ASAP3: variants seen among roughly 807,000 people sequenced by gnomAD.
ASAP3 encodes the protein ArfGAP with SH3 domain, ankyrin repeat and PH domain 3, also known as arf-GAP with SH3 domain, ANK repeat and PH domain-containing protein 3.
A neutral mutation model predicts 118.2 loss-of-function variants in ASAP3; 85 were observed. That is an observed-to-expected ratio of 0.72 (90% CI 0.60 to 0.86). ASAP3 has a LOEUF of 0.86. Ranked by LOEUF, ASAP3 falls within the 40% of genes least tolerant of loss-of-function variation. The probability of loss-of-function intolerance (pLI) is 0.00; values close to 1 mark genes in which losing one functional copy is unlikely to be tolerated. For missense variants in ASAP3, 1,026 were observed against 1,175.0 expected (o/e 0.87, Z 1.85); for synonymous variants, 432 against 477.4 (o/e 0.90, Z 1.24).
chr1:23,477,644 T>G (rs1290804851), intron 1 of ASAP3, among the ~76,000 whole-genome samples: 2 of 152,106 alleles, frequency 1.3e-5, no homozygotes, highest in Non-Finnish European at 2.9e-5. Flanking sequence ...AAAGAAGGCC[T>G]TGACGAGGAG....
chr1:23,467,203 T>TATG (rs1317317692), intron 1 of ASAP3, among the ~76,000 whole-genome samples: 3 of 150,864 alleles, frequency 2.0e-5, no homozygotes, highest in African/African-American at 7.3e-5. Context: ...TTATTATTAT[T>TATG]ACTATTTTTG....
At chr1:23,434,655 A>T (rs762316173) in intron 17 of ASAP3, 37 bp from the exon 18 acceptor site, 2 of 1,583,434 alleles carry the variant, frequency 1.3e-6, no homozygotes, top group East Asian at 2.3e-5. Context: ...TTCCCCCCCC[A>T]GTGCACCTGC....
At chr1:23,452,827 G>C in intron 3 of ASAP3, 56 bp from the exon 4 acceptor site, 2 of 1,539,870 alleles carry the variant, frequency 1.3e-6, no homozygotes, top group Non-Finnish European at 1.8e-6. Flanking sequence ...CCAGCCCCTA[G>C]GGATTCGGTG....
upstream of ASAP3, chr1:23,484,580 C>G (rs1006076738): frequency 6.5e-6 from 1 of 153,738 alleles, no homozygotes; most frequent in African/African-American, 2.4e-5. Flanking sequence ...CTTGCACGGC[C>G]CAGGCTGTTC....
intron 1 of ASAP3, among the ~76,000 whole-genome samples, chr1:23,456,917 G>A (rs1641408469): frequency 6.6e-6 from 1 of 152,166 alleles, no homozygotes; most frequent in African/African-American, 2.4e-5. Context: ...CCAAAGCCCA[G>A]AGGCTGCAGA....
chr1:23,463,421 G>A (rs1459222036), intron 1 of ASAP3, among the ~76,000 whole-genome samples: 1 of 151,666 alleles, frequency 6.6e-6, no homozygotes, highest in African/African-American at 2.4e-5. Context: ...GTTTTAAGGA[G>A]ACGATTCTGA....
intron 1 of ASAP3, among the ~76,000 whole-genome samples, chr1:23,476,283 T>C (rs564150932): frequency 6.7e-6 from 1 of 150,330 alleles, no homozygotes; most frequent in Admixed American, 6.6e-5. Context: ...GAGGTGGAGG[T>C]TGCAGTAAGC....
In ASAP3 at chr1:23,484,075, G is replaced by A. The variant is rs1209383711; in HGVS notation, c.59C>T (p.Ser20Phe). 1.5e-6 allele frequency: 2 copies of A among 1,351,404 alleles called. No individual in the cohort carries two copies. Among genetic ancestry groups the A allele is most frequent in the Middle Eastern group, 2.6e-4 (1 of 3,820 alleles). 83.7% of individuals were successfully genotyped at this position (1,351,404 alleles called of 1,614,324 possible). A position where few individuals can be genotyped will look rare whatever the true frequency, so the allele number is the denominator to read the frequency against. ...GGCGAAGGCGGCGGCCCCAGCCGGG[G>A]AGCTGAGGTCCTCCGCGGTGACGGC... ...FLAVTAEDLSSPAGAAAFAAK... is the reference protein window; with the variant it reads ...FLAVTAEDLSFPAGAAAFAAK... The change falls in exon 1 of 25, where the codon TCC becomes TTC. Residue 20 changes from serine (S) to phenylalanine (F), a missense_variant. Ser to Phe is a radical substitution (Grantham distance 155). Coordinates refer to ENST00000336689, the MANE Select transcript of ASAP3 (RefSeq NM_017707.4).
At chr1:23,435,660 A>C (rs1278102973) in intron 17 of ASAP3, 191 bp downstream of exon 17, 1 of 681,900 alleles carries the variant, frequency 1.5e-6, no homozygotes, top group Non-Finnish European at 2.6e-6. Flanking sequence ...ACAGCTAGGA[A>C]AAAACAGAGC....
chr1:23,435,160 T>C (rs1377437402), intron 17 of ASAP3, among the ~76,000 whole-genome samples: 2 of 152,250 alleles, frequency 1.3e-5, no homozygotes, highest in African/African-American at 2.4e-5. Flanking sequence ...TCTGAGTAGC[T>C]GGGACCACAG....
intron 4 of ASAP3, 149 bp from the exon 5 acceptor site, chr1:23,451,677 G>A: frequency 2.4e-6 from 2 of 828,578 alleles, no homozygotes; most frequent in Non-Finnish European, 3.9e-6. Flanking sequence ...CCACAGTCCT[G>A]CTGCAAACCT....
intron 17 of ASAP3, among the ~76,000 whole-genome samples, chr1:23,435,119 C>G (rs539773273): frequency 6.6e-6 from 1 of 152,334 alleles, no homozygotes; most frequent in African/African-American, 2.4e-5. Flanking sequence ...CCTCAACCTC[C>G]TGGGCTCAAG....
intron 5 of ASAP3, among the ~76,000 whole-genome samples, chr1:23,446,025 C>T (rs1641036802): frequency 6.6e-6 from 1 of 151,914 alleles, no homozygotes; most frequent in African/African-American, 2.4e-5. Flanking sequence ...ATGTGATTGG[C>T]CCTCCATATC....
intron 1 of ASAP3, among the ~76,000 whole-genome samples, chr1:23,469,686 T>A (rs185960644): frequency 2.0e-5 from 3 of 152,192 alleles, no homozygotes; most frequent in Non-Finnish European, 4.4e-5. Context: ...ACTGCTCACT[T>A]TGGGGCAGGC....
chr1:23,433,675 G>A lies in ASAP3; in HGVS notation c.1970C>T (p.Thr657Ile). The A allele has an allele frequency of 1.2e-6, 2 of 1,614,202 alleles. No homozygotes were observed. Among genetic ancestry groups the A allele is most frequent in the Non-Finnish European group, 1.7e-6 (2 of 1,180,034 alleles). ...CTTCTTCCTGGCTATGTCCAGAGCTGTCTCGCCTGCTTCATTTACTGTGAG... is the reference window on the plus strand; with the variant it reads ...CTTCTTCCTGGCTATGTCCAGAGCTATCTCGCCTGCTTCATTTACTGTGAG... The part of the protein sequence containing the change: ...LVGTVNEAGE[T>I]ALDIARKKHH... Residue 657 changes from threonine (T) to isoleucine (I), a missense_variant, in exon 20 of 25, where the codon ACA (threonine) becomes ATA (isoleucine). Physicochemically the swap from Thr to Ile is moderately conservative, Grantham distance 89. Coordinates refer to ENST00000336689, the MANE Select transcript of ASAP3 (RefSeq NM_017707.4).
chr1:23,484,031 G>A lies in ASAP3; in HGVS notation c.103C>T (p.Arg35Ter). 7.6e-7 allele frequency: 1 copy of A among 1,308,716 alleles called. No homozygotes were observed. Among genetic ancestry groups the A allele is most frequent in the Non-Finnish European group, 9.7e-7 (1 of 1,031,406 alleles). 81.1% of individuals were successfully genotyped at this position (1,308,716 alleles called of 1,614,324 possible). A position where few individuals can be genotyped will look rare whatever the true frequency, so the allele number is the denominator to read the frequency against. Residue 35 changes from arginine to a stop codon, truncating the protein, a stop_gained, in exon 1 of 25, where the codon CGA becomes TGA. Coordinates refer to ENST00000336689, the MANE Select transcript of ASAP3 (RefSeq NM_017707.4). LOFTEE classifies it high-confidence loss of function. ...AAFAAKMPRY[R>*]GAALAREEIL... Reference sequence around the variant, plus strand: ...TCCTCCCGCGCCAGCGCCGCCCCTCGGTACCGGGGCATCTTGGCGGCGAAG... The same window carrying A: ...TCCTCCCGCGCCAGCGCCGCCCCTCAGTACCGGGGCATCTTGGCGGCGAAG...
chr1:23,433,696 G>A lies in ASAP3; in HGVS notation c.1952-3C>T. ...AGCTGTCTCGCCTGCTTCATTTACT[G>A]TGAGCGGGGAAAGTCAGGGTTCATG... On this transcript the variant is annotated splice_region_variant and splice_polypyrimidine_tract_variant and intron_variant, in intron 19 of 24. Transcript: ENST00000336689. The A allele has an allele frequency of 6.2e-7, 1 of 1,614,160 alleles. No homozygotes were observed. Among genetic ancestry groups the A allele is most frequent in the Non-Finnish European group, 8.5e-7 (1 of 1,180,046 alleles).
Position 23,431,719 on chromosome 1 carries a change from C to A in ASAP3, c.2523G>T (p.Glu841Asp). 6.6e-7 allele frequency: 1 copy of A among 1,522,172 alleles called. No individual in the cohort carries two copies. The highest frequency in any genetic ancestry group is 1.3e-5 in the South Asian group (1 of 75,284). 94.3% of individuals were successfully genotyped at this position (1,522,172 alleles called of 1,614,324 possible). ...ACCTGAATCTGACGGGGAGGTACAT[C>A]TCCGAAGGGGTGGTCCCGGATGTCA... ...PSLTSGTTPSEMYLPVRFSSE... is the reference protein window; with the variant it reads ...PSLTSGTTPSDMYLPVRFSSE... Residue 841 changes from glutamate to aspartate, a missense_variant, in exon 23 of 25, where the codon GAG becomes GAT. Coordinates refer to ENST00000336689, the MANE Select transcript of ASAP3 (RefSeq NM_017707.4).
At chr1:23,472,057 T>C (rs1480910411) in intron 1 of ASAP3, among the ~76,000 whole-genome samples, 2 of 152,066 alleles carry the variant, frequency 1.3e-5, no homozygotes, top group African/African-American at 2.4e-5. Context: ...GCCATAGAGA[T>C]GGAAAGTTGT....
Sources: allele counts gnomAD v4.1 joint callset (sites outside exome capture counted in the v4.1 genomes callset), GRCh38; gene constraint gnomAD v4.1.1; transcripts MANE v1.5; gene names NCBI Gene and HGNC (gene_info 2026-07-23, HGNC 2026-07-21).